The following DLEU7 variants were observed in gnomAD, a reference collection of about 807,000 sequenced individuals.
DLEU7 encodes the protein deleted in lymphocytic leukemia 7.
Under a neutral mutation model 16.0 loss-of-function variants are expected in DLEU7, and 17 were observed. The observed-to-expected ratio is 1.06, with a 90% CI of 0.73 to 1.59. DLEU7 has a LOEUF of 1.59. Among genes scored for constraint, DLEU7 ranks in the 40% most tolerant of loss-of-function variants. DLEU7 has a pLI of 0.00. For synonymous variants in DLEU7, 113 were observed against 139.8 expected (o/e 0.81, Z 1.35); for missense variants, 308 against 314.9 (o/e 0.98, Z 0.17).
At chr13:50,787,122 C>T (rs996466271) in intron 1 of DLEU7, among the ~76,000 whole-genome samples, 15 of 152,118 alleles carry the variant, frequency 9.9e-5, no homozygotes, top group African/African-American at 3.6e-4. Context: ...TCTGGCATCA[C>T]CTTCCTTATT....
chr13:50,785,471 A>G (rs1460595161), intron 1 of DLEU7, among the ~76,000 whole-genome samples: 1 of 152,220 alleles, frequency 6.6e-6, no homozygotes. Flanking sequence ...AATATGACCC[A>G]TTGGAAATTG....
intron 1 of DLEU7, among the ~76,000 whole-genome samples, chr13:50,718,259 A>C (rs1267357175): frequency 6.6e-6 from 1 of 152,368 alleles, no homozygotes; most frequent in East Asian, 1.9e-4. Context: ...AATAATTAAT[A>C]CATAAATTCA....
chr13:50,713,483 C>T (rs1349046664), intron 1 of DLEU7, among the ~76,000 whole-genome samples: 2 of 152,116 alleles, frequency 1.3e-5, no homozygotes, highest in Admixed American at 6.5e-5. Context: ...CTATAGCTAT[C>T]TTTATACTTT....
intron 1 of DLEU7, among the ~76,000 whole-genome samples, chr13:50,829,399 G>T (rs1446647681): frequency 2.6e-5 from 4 of 152,180 alleles, no homozygotes; most frequent in African/African-American, 9.7e-5. Context: ...ATTCAAAATA[G>T]AAGGAACCAC....
chr13:50,812,285 AC>A (rs1876593526), intron 1 of DLEU7, among the ~76,000 whole-genome samples: 1 of 152,084 alleles, frequency 6.6e-6, no homozygotes, highest in Admixed American at 6.6e-5. Flanking sequence ...TGGATCTCAG[AC>A]CTGAGGGGCC....
chr13:50,747,771 GT>G (rs1264475570), intron 1 of DLEU7, among the ~76,000 whole-genome samples: 1 of 152,204 alleles, frequency 6.6e-6, no homozygotes, highest in Non-Finnish European at 1.5e-5. Context: ...ATGAGACATT[GT>G]TTGATGGAAG....
At chr13:50,772,748 G>A (rs971975250) in intron 1 of DLEU7, among the ~76,000 whole-genome samples, 4 of 151,962 alleles carry the variant, frequency 2.6e-5, no homozygotes, top group Admixed American at 6.6e-5. Context: ...TGTGTCTTGG[G>A]GTTGCTCTTC....
chr13:50,719,135 G>A (rs2706243), intron 1 of DLEU7, among the ~76,000 whole-genome samples: 1 of 152,150 alleles, frequency 6.6e-6, no homozygotes, highest in Non-Finnish European at 1.5e-5. Context: ...AAAATCATTT[G>A]TAACCGTCAC....
intron 1 of DLEU7, among the ~76,000 whole-genome samples, chr13:50,841,715 G>A (rs1877664259): frequency 6.9e-6 from 1 of 144,452 alleles, no homozygotes; most frequent in Non-Finnish European, 1.5e-5. Context: ...TGCAGCCTTG[G>A]CAACACAGGC....
chr13:50,712,839 A>G, exon 2 of DLEU7: 1 of 214,892 alleles, frequency 4.7e-6, no homozygotes, highest in African/African-American at 2.3e-5. Context: ...AATTCAGACA[A>G]TACATTCTGA....
chr13:50,839,719 TAATATC>T (rs1293626239), intron 1 of DLEU7, among the ~76,000 whole-genome samples: 1 of 152,208 alleles, frequency 6.6e-6, no homozygotes, highest in Admixed American at 6.5e-5. Flanking sequence ...TCATATTCAT[TAATATC>T]AAGAATAGAA....
intron 1 of DLEU7, among the ~76,000 whole-genome samples, chr13:50,806,886 T>C (rs889981728): frequency 2.0e-5 from 3 of 148,018 alleles, no homozygotes; most frequent in African/African-American, 7.6e-5. Context: ...GAGGTTGCAA[T>C]GAGCAGAGAT....
intron 1 of DLEU7, among the ~76,000 whole-genome samples, chr13:50,778,206 A>G (rs977609046): frequency 4.6e-5 from 7 of 152,162 alleles, no homozygotes; most frequent in African/African-American, 1.4e-4. Flanking sequence ...GTAGCAGGGG[A>G]GAGAGAGAGC....
rs564714206 is a variant in DLEU7, at chr13:50,840,167, T to C, written c.459+3021A>G. On this transcript the variant is annotated intron_variant, in intron 1 of 1. Coordinates refer to ENST00000504404, the MANE Select transcript of DLEU7 (RefSeq NM_001306135.2). ...ACTTCTAGGTGATACAAAATAGTTA[T>C]TTCCATTCCCGGAAATCCTCCTGCA... is the stretch of plus-strand genomic sequence containing the variant. 4 of 152,340 alleles carry C rather than the reference T, an allele frequency of 2.6e-5. No individual in the cohort carries two copies. The South Asian group carries it at 8.3e-4, about 32-fold the overall frequency. 9.4% of individuals were successfully genotyped at this position (152,340 alleles called of 1,614,324 possible).
At chr13:50,841,997 C>G (rs919257682) in intron 1 of DLEU7, among the ~76,000 whole-genome samples, 1 of 151,712 alleles carries the variant, frequency 6.6e-6, no homozygotes, top group Non-Finnish European at 1.5e-5. Context: ...TATCAACTTG[C>G]GGCGAGGAAT....
intron 1 of DLEU7, among the ~76,000 whole-genome samples, chr13:50,840,790 G>C (rs903729603): frequency 3.2e-5 from 4 of 125,506 alleles, no homozygotes; most frequent in Non-Finnish European, 4.8e-5. Flanking sequence ...CATGGGGATG[G>C]GGGGGCAGCA....
intron 1 of DLEU7, among the ~76,000 whole-genome samples, chr13:50,753,452 C>G (rs911018266): frequency 6.6e-6 from 1 of 152,228 alleles, no homozygotes; most frequent in Non-Finnish European, 1.5e-5. Flanking sequence ...AGCCCTGCCC[C>G]GTGGGAAGGC....
intron 1 of DLEU7, among the ~76,000 whole-genome samples, chr13:50,773,139 A>G (rs921264619): frequency 5.3e-5 from 8 of 152,114 alleles, no homozygotes; most frequent in Admixed American, 6.5e-5. Flanking sequence ...GGTCTTCTCT[A>G]TGCTGTTTAT....
At chr13:50,792,278 T>A (rs1212191123) in intron 1 of DLEU7, among the ~76,000 whole-genome samples, 2 of 152,220 alleles carry the variant, frequency 1.3e-5, no homozygotes, top group Non-Finnish European at 2.9e-5. Context: ...AATTATCAAA[T>A]AATTCAAGAA....
Sources: allele counts gnomAD v4.1 joint callset (sites outside exome capture counted in the v4.1 genomes callset), GRCh38; gene constraint gnomAD v4.1.1; transcripts MANE v1.5; gene names NCBI Gene and HGNC (gene_info 2026-07-23, HGNC 2026-07-21).